Variants in HS6ST3 observed in about 807,000 individuals in gnomAD.
HS6ST3 encodes the protein heparan sulfate 6-O-sulfotransferase 3.
In HS6ST3, 12 loss-of-function variants were observed where a neutral mutation model predicts 36.7. That is an observed-to-expected ratio of 0.33 (90% CI 0.21 to 0.53). The LOEUF (loss-of-function observed/expected upper bound fraction) is 0.53, where lower values mean the gene tolerates loss of function less well. Ranked by LOEUF, HS6ST3 falls within the 20% of genes least tolerant of loss-of-function variation. The probability of loss-of-function intolerance (pLI) is 0.95; values close to 1 mark genes in which losing one functional copy is unlikely to be tolerated. For synonymous variants in HS6ST3, 240 were observed against 257.5 expected (o/e 0.93, Z 0.65); for missense variants, 584 against 640.9 (o/e 0.91, Z 0.96).
chr13:96,457,300 G>C (rs2055758841), intron 1 of HS6ST3, among the ~76,000 whole-genome samples: 1 of 152,090 alleles, frequency 6.6e-6, no homozygotes, highest in African/African-American at 2.4e-5. Flanking sequence ...CAAACCTTAA[G>C]ATGCCAGGAT....
chr13:96,635,564 C>T (rs1414309638), intron 1 of HS6ST3, among the ~76,000 whole-genome samples: 2 of 152,136 alleles, frequency 1.3e-5, no homozygotes, highest in Non-Finnish European at 2.9e-5. Context: ...GCTGTGTTCC[C>T]TTTAGCACCT....
intron 1 of HS6ST3, among the ~76,000 whole-genome samples, chr13:96,697,495 T>TA (rs1875160813): frequency 6.6e-6 from 1 of 152,030 alleles, no homozygotes; most frequent in African/African-American, 2.4e-5. Context: ...CAATTAAAAA[T>TA]TTCTATGAAG....
intron 1 of HS6ST3, among the ~76,000 whole-genome samples, chr13:96,226,819 A>T (rs2139365350): frequency 6.6e-6 from 1 of 152,364 alleles, no homozygotes; most frequent in South Asian, 2.1e-4. Flanking sequence ...AAACCAAGAT[A>T]TGAAAGAATC....
chr13:96,122,428 A>G (rs1334240777), intron 1 of HS6ST3, among the ~76,000 whole-genome samples: 1 of 151,606 alleles, frequency 6.6e-6, no homozygotes, highest in African/African-American at 2.4e-5. Flanking sequence ...ACTTTTGCAA[A>G]CCCCCTAACT....
At chr13:96,384,743 T>G (rs562548550) in intron 1 of HS6ST3, among the ~76,000 whole-genome samples, 1 of 152,170 alleles carries the variant, frequency 6.6e-6, no homozygotes, top group African/African-American at 2.4e-5. Flanking sequence ...CAACCTTTAC[T>G]TACCAAACCT....
chr13:96,108,557 C>T lies in HS6ST3; in HGVS notation c.707+16988C>T, dbSNP rs143963692. Among the ~76,000 whole-genome samples the T allele has an allele frequency of 1.6e-3, 250 of 152,212 alleles. 1 individual carries two copies. Among genetic ancestry groups the T allele is most frequent in the African/African-American group, 5.8e-3 (241 of 41,526 alleles). ...ATAAAAACTTGCTGGTTTTGTGGCTCGGGGGCATCATGGAACCTGCCAACA... is the reference window on the plus strand; with the variant it reads ...ATAAAAACTTGCTGGTTTTGTGGCTTGGGGGCATCATGGAACCTGCCAACA... On this transcript the variant is annotated intron_variant, in intron 1 of 1. Transcript: ENST00000376705.
At chr13:96,190,924 G>A (rs901857127) in intron 1 of HS6ST3, among the ~76,000 whole-genome samples, 3 of 151,990 alleles carry the variant, frequency 2.0e-5, no homozygotes, top group African/African-American at 7.3e-5. Flanking sequence ...GTGACACAAG[G>A]CTAGATGGGA....
chr13:96,751,120 A>G (rs1876689626), intron 1 of HS6ST3, among the ~76,000 whole-genome samples: 1 of 152,186 alleles, frequency 6.6e-6, no homozygotes, highest in African/African-American at 2.4e-5. Context: ...AAAATAAAAC[A>G]TATAGAGATA....
chr13:96,109,964 A>G (rs1281040280), intron 1 of HS6ST3, among the ~76,000 whole-genome samples: 2 of 152,194 alleles, frequency 1.3e-5, no homozygotes, highest in African/African-American at 4.8e-5. Context: ...GTATGCAGTG[A>G]GGGATGTGCT....
chr13:96,674,584 C>G (rs1484744868), intron 1 of HS6ST3, among the ~76,000 whole-genome samples: 1 of 152,072 alleles, frequency 6.6e-6, no homozygotes, highest in Non-Finnish European at 1.5e-5. Flanking sequence ...CTCACATCGT[C>G]CCTCTATTAG....
chr13:96,183,764 G>C (rs954020823), intron 1 of HS6ST3, among the ~76,000 whole-genome samples: 1 of 152,212 alleles, frequency 6.6e-6, no homozygotes, highest in African/African-American at 2.4e-5. Flanking sequence ...TCCAGGACCC[G>C]GGGGAAGGGA....
At chr13:96,223,515 C>T (rs750050725) in intron 1 of HS6ST3, among the ~76,000 whole-genome samples, 2 of 152,274 alleles carry the variant, frequency 1.3e-5, no homozygotes, top group South Asian at 2.1e-4. Flanking sequence ...TTCTGATGCC[C>T]CAGCCTGGGC....
At chr13:96,278,753 A>G (rs1416533898) in intron 1 of HS6ST3, among the ~76,000 whole-genome samples, 1 of 152,206 alleles carries the variant, frequency 6.6e-6, no homozygotes, top group African/African-American at 2.4e-5. Context: ...CTACAATGAT[A>G]TAAGTAATGG....
rs183303164 is a variant in HS6ST3 at position 96,205,702 on chromosome 13, A to G, written c.707+114133A>G. ...CAAATCAATAAATGTGACTCATCAT[A>G]TAAACAGAACTAAAGACAAAAACCA... On this transcript the variant is annotated intron_variant, in intron 1 of 1. Coordinates refer to ENST00000376705, the MANE Select transcript of HS6ST3 (RefSeq NM_153456.4). 8.9e-4 allele frequency among the ~76,000 whole-genome samples: 136 copies of G among 152,368 alleles called. 1 individual carries two copies. Among genetic ancestry groups the G allele is most frequent in the African/African-American group, 3.1e-3 (128 of 41,598 alleles).
At chr13:96,319,357 C>T (rs1330831486) in intron 1 of HS6ST3, among the ~76,000 whole-genome samples, 1 of 152,210 alleles carries the variant, frequency 6.6e-6, no homozygotes, top group Non-Finnish European at 1.5e-5. Context: ...TAATATTCCT[C>T]TCTATGGATA....
chr13:96,723,125 T>G (rs1875894325), intron 1 of HS6ST3, among the ~76,000 whole-genome samples: 1 of 152,084 alleles, frequency 6.6e-6, no homozygotes, highest in African/African-American at 2.4e-5. Flanking sequence ...TGGCAGAACC[T>G]TAATTTTAGC....
chr13:96,486,119 G>GT (rs1249382014), intron 1 of HS6ST3, among the ~76,000 whole-genome samples: 7 of 150,050 alleles, frequency 4.7e-5, no homozygotes, highest in African/African-American at 9.8e-5. Context: ...GCGGTGTTTG[G>GT]TTTTTTGTCC....
At chr13:96,366,641 A>G (rs1242586340) in intron 1 of HS6ST3, among the ~76,000 whole-genome samples, 1 of 152,016 alleles carries the variant, frequency 6.6e-6, no homozygotes, top group African/African-American at 2.4e-5. Flanking sequence ...ACCCCAGACC[A>G]ATAACATCAG....
intron 1 of HS6ST3, among the ~76,000 whole-genome samples, chr13:96,797,533 G>A (rs1877943339): frequency 6.6e-6 from 1 of 152,064 alleles, no homozygotes. Flanking sequence ...AGTGGTCTTG[G>A]AGCTCTGAAA....
Sources: gnomAD v4.1 joint callset for allele counts (sites outside exome capture counted in the v4.1 genomes callset) on GRCh38, gnomAD v4.1.1 for gene constraint, MANE v1.5 for transcripts, NCBI Gene and HGNC (gene_info 2026-07-23, HGNC 2026-07-21) for gene names.